Variants in ROBO1 observed in about 807,000 individuals in gnomAD.
ROBO1 encodes roundabout homolog 1.
Under a neutral mutation model 195.9 loss-of-function variants are expected in ROBO1, and 149 were observed. That is an observed-to-expected ratio of 0.76 (90% CI 0.67 to 0.87). ROBO1 has a LOEUF of 0.87. ROBO1 is among the 40% of genes least tolerant of loss of function. The pLI, the probability that ROBO1 is intolerant of heterozygous loss-of-function variation, is 0.00. For missense variants in ROBO1, 1,933 were observed against 2,068.3 expected (o/e 0.93, Z 1.27); for synonymous variants, 816 against 733.2 (o/e 1.11, Z -1.82).
At chr3:79,018,176 A>T (rs902240377) in intron 3 of ROBO1, among the ~76,000 whole-genome samples, 2 of 151,884 alleles carry the variant, frequency 1.3e-5, no homozygotes, top group Non-Finnish European at 2.9e-5. Flanking sequence ...CGAGATCTGC[A>T]AAGAGTCTTG....
rs139030753 is a variant in ROBO1, at chr3:78,924,027, GA to G, written c.499+14573del. Among the ~76,000 whole-genome samples the G allele has an allele frequency of 1.7e-3, 243 of 142,474 alleles. 2 individuals carry two copies. Among genetic ancestry groups the G allele is most frequent in the East Asian group, 0.012 (56 of 4,860 alleles). The allele number at this position is 142,474 out of a possible 152,430, so 93.5% of individuals were successfully genotyped here. A position where few individuals can be genotyped will look rare whatever the true frequency, so the allele number is the denominator to read the frequency against. On this transcript the variant is annotated intron_variant, in intron 4 of 30. Transcript: ENST00000464233. ...GAGTCAACTCTGTTATCCAACAAAAGAAAAAAAAAATACACATATATAAATA... is the reference window on the plus strand; with the variant it reads ...GAGTCAACTCTGTTATCCAACAAAAGAAAAAAAAATACACATATATAAATA...
At chr3:79,021,724 G>A (rs1179433859) in intron 3 of ROBO1, among the ~76,000 whole-genome samples, 4 of 140,742 alleles carry the variant, frequency 2.8e-5, no homozygotes, top group African/African-American at 8.0e-5. Context: ...GCAGTGGCGC[G>A]ATCTCGGCTC....
chr3:79,237,339 A>G (rs2082428393), intron 2 of ROBO1, among the ~76,000 whole-genome samples: 2 of 152,014 alleles, frequency 1.3e-5, no homozygotes, highest in African/African-American at 2.4e-5. Flanking sequence ...AAAATTAGCC[A>G]GGCGTGGTGG....
At chr3:78,884,954 A>G (rs1399508829) in intron 4 of ROBO1, among the ~76,000 whole-genome samples, 3 of 151,608 alleles carry the variant, frequency 2.0e-5, no homozygotes, top group Admixed American at 6.6e-5. Flanking sequence ...CGAAGGCTGC[A>G]TGTTTAAGTC....
rs368523294 is a variant in ROBO1 at position 79,119,206 on chromosome 3, A to T, written c.172+6250T>A. Among the ~76,000 whole-genome samples the T allele has an allele frequency of 1.5e-4, 23 of 152,328 alleles. 1 individual carries two copies. Among genetic ancestry groups the T allele is most frequent in the African/African-American group, 5.3e-4 (22 of 41,580 alleles). On this transcript the variant is annotated intron_variant, in intron 3 of 30. Coordinates refer to ENST00000464233, the MANE Select transcript of ROBO1 (RefSeq NM_002941.4). ...ACCTTTAATTTTTAAGAAATAATTA[A>T]GATAAACTGCTTTAAACTGTTCTTC... is the stretch of plus-strand genomic sequence containing the variant.
At chr3:79,351,474 T>C (rs1234832398) in intron 2 of ROBO1, among the ~76,000 whole-genome samples, 2 of 152,170 alleles carry the variant, frequency 1.3e-5, no homozygotes, top group African/African-American at 4.8e-5. Flanking sequence ...ATTAGCAAAG[T>C]CATTTTTTTT....
chr3:78,660,067 C>G, intron 16 of ROBO1: 1 of 245,044 alleles, frequency 4.1e-6, no homozygotes, highest in East Asian at 8.6e-5. Context: ...ATTACAGGCA[C>G]CCACCACCAT....
chr3:79,688,498 T>C (rs1217241625), intron 1 of ROBO1, among the ~76,000 whole-genome samples: 1 of 152,140 alleles, frequency 6.6e-6, no homozygotes, highest in Non-Finnish European at 1.5e-5. Context: ...TTTTTGCCAA[T>C]ATTCTAATCA....
chr3:79,335,176 T>C (rs1297314428), intron 2 of ROBO1, among the ~76,000 whole-genome samples: 1 of 152,108 alleles, frequency 6.6e-6, no homozygotes, highest in African/African-American at 2.4e-5. Flanking sequence ...TGTATCAGAA[T>C]TCAAAAATAT....
chr3:78,834,818 G>A (rs866049375), intron 4 of ROBO1, among the ~76,000 whole-genome samples: 1 of 151,942 alleles, frequency 6.6e-6, no homozygotes, highest in African/African-American at 2.4e-5. Context: ...TTACTTAAAG[G>A]ATTATATTTC....
intron 26 of ROBO1, among the ~76,000 whole-genome samples, chr3:78,619,876 G>A (rs1311422320): frequency 6.6e-6 from 1 of 151,574 alleles, no homozygotes. Context: ...AAATTAGCCG[G>A]GTGTGGTGGT....
intron 2 of ROBO1, among the ~76,000 whole-genome samples, chr3:79,335,020 G>A (rs2109193327): frequency 6.6e-6 from 1 of 152,230 alleles, no homozygotes; most frequent in South Asian, 2.1e-4. Context: ...AGGAGGCTGA[G>A]GCAGGAGAAT....
Position 78,685,774 on chromosome 3 carries a change from G to A in ROBO1, c.1314C>T (p.Ile438=), listed in dbSNP as rs1396164845. Reference sequence around the variant, plus strand: ...CTGTAACTTCCAAATATGCCTTTGTGATGATGCTTCCAGCAACATTTAAAG... The same window carrying A: ...CTGTAACTTCCAAATATGCCTTTGTAATGATGCTTCCAGCAACATTTAAAG... ...CQTLNVAGSI[I]TKAYLEVTDV... is the part of the protein sequence containing the mutation. Residue 438 remains isoleucine (I), a synonymous_variant, in exon 10 of 31, where the codon ATC becomes ATT. Coordinates refer to ENST00000464233, the MANE Select transcript of ROBO1 (RefSeq NM_002941.4). 1.9e-6 allele frequency: 3 copies of A among 1,610,478 alleles called. No individual in the cohort carries two copies. The African/African-American group carries it at 4.0e-5, about 22-fold the overall frequency.
intron 2 of ROBO1, among the ~76,000 whole-genome samples, chr3:79,226,563 CAG>C (rs1348906169): frequency 2.1e-4 from 31 of 145,298 alleles, no homozygotes; most frequent in African/African-American, 7.4e-4. Flanking sequence ...TTTTTTAAGA[CAG>C]AGTTTCCCTC....
intron 2 of ROBO1, among the ~76,000 whole-genome samples, chr3:79,258,235 A>G (rs2082874516): frequency 6.6e-6 from 1 of 152,168 alleles, no homozygotes; most frequent in East Asian, 1.9e-4. Flanking sequence ...TGTTGTTGCC[A>G]GTTTAACCAC....
At chr3:78,699,101 A>G (rs1244683145) in intron 8 of ROBO1, among the ~76,000 whole-genome samples, 1 of 152,110 alleles carries the variant, frequency 6.6e-6, no homozygotes, top group African/African-American at 2.4e-5. Flanking sequence ...AGCAAATTCC[A>G]TAGTGTTTAT....
intron 2 of ROBO1, among the ~76,000 whole-genome samples, chr3:79,322,342 C>T (rs891701510): frequency 9.2e-5 from 14 of 152,056 alleles, no homozygotes; most frequent in Admixed American, 3.3e-4. Flanking sequence ...AACAAGTATA[C>T]GTTAGTATTT....
intron 2 of ROBO1, among the ~76,000 whole-genome samples, chr3:79,575,692 A>G (rs2107768430): frequency 6.6e-6 from 1 of 150,910 alleles, no homozygotes; most frequent in East Asian, 1.9e-4. Context: ...GTTAGTGAAT[A>G]GGCATTCTTC....
chr3:78,607,476 G>T (rs1703536036), intron 28 of ROBO1, among the ~76,000 whole-genome samples: 1 of 152,154 alleles, frequency 6.6e-6, no homozygotes, highest in South Asian at 2.1e-4. Context: ...GCTTCCTAAA[G>T]TGCTAGAACT....
Sources: gnomAD v4.1 joint callset for allele counts (sites outside exome capture counted in the v4.1 genomes callset) on GRCh38, gnomAD v4.1.1 for gene constraint, MANE v1.5 for transcripts, NCBI Gene and HGNC (gene_info 2026-07-23, HGNC 2026-07-21) for gene names.